The following TSPAN5 variants were observed in gnomAD, a reference collection of about 807,000 sequenced individuals.
TSPAN5 encodes the protein tetraspanin 5, also known as tetraspanin-5.
A neutral mutation model predicts 37.1 loss-of-function variants in TSPAN5; 10 were observed. That is an observed-to-expected ratio of 0.27 (90% CI 0.17 to 0.46). The LOEUF is 0.46. TSPAN5 is among the 20% of genes least tolerant of loss of function. The pLI, the probability that TSPAN5 is intolerant of heterozygous loss-of-function variation, is 1.00. For missense variants in TSPAN5, 195 were observed against 326.6 expected (o/e 0.60, Z 3.11); for synonymous variants, 110 against 118.9 (o/e 0.93, Z 0.48).
intron 1 of TSPAN5, among the ~76,000 whole-genome samples, chr4:98,566,766 T>C (rs1263164374): frequency 2.6e-5 from 4 of 152,296 alleles, no homozygotes; most frequent in Non-Finnish European, 4.4e-5. Context: ...ACCACCAGCA[T>C]AGCAGGGAAA....
At chr4:98,508,098 A>G (rs1162966417) in intron 1 of TSPAN5, among the ~76,000 whole-genome samples, 2 of 152,190 alleles carry the variant, frequency 1.3e-5, no homozygotes, top group Non-Finnish European at 2.9e-5. Flanking sequence ...AAGCAGAGGC[A>G]TTAACTTAGA....
chr4:98,485,731 T>C (rs1368631330), intron 3 of TSPAN5, among the ~76,000 whole-genome samples: 2 of 150,548 alleles, frequency 1.3e-5, no homozygotes, highest in African/African-American at 2.5e-5. Context: ...AATCACACAT[T>C]ACATGACTAT....
intron 1 of TSPAN5, among the ~76,000 whole-genome samples, chr4:98,620,745 A>G (rs899762724): frequency 1.3e-5 from 2 of 152,210 alleles, no homozygotes; most frequent in Non-Finnish European, 2.9e-5. Flanking sequence ...TGGCACAGAA[A>G]AAACAGCACA....
chr4:98,556,981 A>C (rs1754764072), intron 1 of TSPAN5, among the ~76,000 whole-genome samples: 1 of 152,220 alleles, frequency 6.6e-6, no homozygotes, highest in Admixed American at 6.5e-5. Flanking sequence ...CCAAGAAGCC[A>C]AATGACCCTT....
chr4:98,514,689 C>T (rs765248856), intron 1 of TSPAN5, among the ~76,000 whole-genome samples: 1 of 152,182 alleles, frequency 6.6e-6, no homozygotes, highest in Non-Finnish European at 1.5e-5. Flanking sequence ...CCTGCTGAAC[C>T]CTGACTCCAG....
intron 3 of TSPAN5, chr4:98,484,695 C>T (rs1752922811): frequency 4.9e-6 from 2 of 410,408 alleles, no homozygotes; most frequent in East Asian, 7.1e-5. Flanking sequence ...GGTGCAGTGG[C>T]TCATGCCTGT....
chr4:98,585,317 CTCT>C (rs1227308641), intron 1 of TSPAN5, among the ~76,000 whole-genome samples: 1 of 151,330 alleles, frequency 6.6e-6, no homozygotes, highest in South Asian at 2.1e-4. Flanking sequence ...TCCACTCTCT[CTCT>C]TTTTTTTTTG....
intron 5 of TSPAN5, 118 bp downstream of exon 5, chr4:98,478,567 T>C: frequency 2.4e-6 from 3 of 1,254,146 alleles, no homozygotes; most frequent in Non-Finnish European, 3.4e-6. Context: ...CTACAGGAGC[T>C]ACAAATACGA....
intron 1 of TSPAN5, among the ~76,000 whole-genome samples, chr4:98,589,892 C>T (rs1755586167): frequency 6.6e-6 from 1 of 152,108 alleles, no homozygotes; most frequent in African/African-American, 2.4e-5. Flanking sequence ...CCCTTTTTCT[C>T]TTTAAAGAAT....
At chr4:98,639,774 G>A (rs956212143) in intron 1 of TSPAN5, among the ~76,000 whole-genome samples, 5 of 152,072 alleles carry the variant, frequency 3.3e-5, no homozygotes, top group African/African-American at 1.2e-4. Flanking sequence ...TCTATGTTTA[G>A]AAATGCACGA....
At chr4:98,488,873 C>T (rs76794176) in intron 2 of TSPAN5, among the ~76,000 whole-genome samples, 1,771 of 152,086 alleles carry the variant, frequency 0.012, 14 homozygotes, top group South Asian at 0.022. Flanking sequence ...GGCAGTATAG[C>T]GAGACCCTTT....
intron 1 of TSPAN5, among the ~76,000 whole-genome samples, chr4:98,639,484 ATTT>A (rs147127835): frequency 1.5e-5 from 2 of 136,624 alleles, no homozygotes; most frequent in Admixed American, 7.5e-5. Flanking sequence ...TGACTGGCTA[ATTT>A]TTTTTTTTTT....
intron 1 of TSPAN5, among the ~76,000 whole-genome samples, chr4:98,513,674 A>G (rs1016349446): frequency 1.3e-5 from 2 of 152,148 alleles, no homozygotes; most frequent in African/African-American, 2.4e-5. Context: ...AGTTATTCTC[A>G]GGTGCCAATT....
At chr4:98,640,936 G>A (rs1464920387) in intron 1 of TSPAN5, among the ~76,000 whole-genome samples, 3 of 152,110 alleles carry the variant, frequency 2.0e-5, no homozygotes, top group Non-Finnish European at 4.4e-5. Context: ...GATCCTAGAG[G>A]TCGCCACTAA....
At chr4:98,565,082 C>T (rs76611025) in intron 1 of TSPAN5, among the ~76,000 whole-genome samples, 15,726 of 152,148 alleles carry the variant, frequency 0.1, 1,519 homozygotes, top group East Asian at 0.27. Context: ...TACCTGCCAC[C>T]TACAAACCTA....
intron 1 of TSPAN5, among the ~76,000 whole-genome samples, chr4:98,547,871 G>C (rs772168715): frequency 7.2e-5 from 11 of 151,978 alleles, no homozygotes; most frequent in Middle Eastern, 3.4e-3. Context: ...CTGGCGTGGT[G>C]GTGGGTGCCT....
At chr4:98,531,653 G>A (rs1219129316) in intron 1 of TSPAN5, among the ~76,000 whole-genome samples, 2 of 152,172 alleles carry the variant, frequency 1.3e-5, no homozygotes, top group African/African-American at 2.4e-5. Context: ...GTCTTCCACA[G>A]TAGTTGAACT....
intron 1 of TSPAN5, among the ~76,000 whole-genome samples, chr4:98,598,757 C>A (rs141455439): frequency 6.6e-6 from 1 of 152,110 alleles, no homozygotes; most frequent in African/African-American, 2.4e-5. Flanking sequence ...CATGAGCCAC[C>A]GTGCCTGGCC....
intron 1 of TSPAN5, among the ~76,000 whole-genome samples, chr4:98,610,240 A>G (rs1287127593): frequency 6.6e-6 from 1 of 152,200 alleles, no homozygotes; most frequent in African/African-American, 2.4e-5. Context: ...AGGGGCAGCA[A>G]GAGATCGAAC....
Sources: allele counts gnomAD v4.1 joint callset (sites outside exome capture counted in the v4.1 genomes callset), GRCh38; gene constraint gnomAD v4.1.1; transcripts MANE v1.5; gene names NCBI Gene and HGNC (gene_info 2026-07-23, HGNC 2026-07-21).